Variants in NTN1 observed in about 807,000 individuals in gnomAD.
NTN1 encodes the protein netrin 1.
A neutral mutation model predicts 54.2 loss-of-function variants in NTN1; 11 were observed. The ratio of observed to expected loss-of-function variants is 0.20; its 90% CI spans 0.13 to 0.34. NTN1 has a LOEUF of 0.34. Among genes scored for constraint, NTN1 ranks in the 10% least tolerant of loss-of-function variants. The probability of loss-of-function intolerance (pLI) is 1.00; values close to 1 mark genes in which losing one functional copy is unlikely to be tolerated. For synonymous variants in NTN1, 371 were observed against 382.0 expected, an observed-to-expected ratio of 0.97 and a Z score of 0.33; for missense variants, 740 against 893.1, an observed-to-expected ratio of 0.83 and a Z score of 2.18.
At position 9,162,828 on chromosome 17, in the gene NTN1, T is replaced by G; in HGVS notation, c.1034T>G (p.Leu345Arg). 1 of 1,612,782 alleles carries G rather than the reference T, an allele frequency of 6.2e-7. No homozygotes were observed. Among genetic ancestry groups the G allele is most frequent in the South Asian group, 1.1e-5 (1 of 91,064 alleles). ...ANECVACNCNLHARRCRFNME... is the reference protein window; with the variant it reads ...ANECVACNCNRHARRCRFNME... ...CCCCCTGCAGCCTGTAACTGCAACC[T>G]GCATGCCCGGCGCTGCCGCTTCAAC... The change falls in exon 3 of 7, where the codon CTG (leucine) becomes CGG (arginine). Residue 345 changes from leucine to arginine, a missense_variant. By Grantham distance (102) the Leu-to-Arg change is moderately radical. Transcript: ENST00000173229.
chr17:9,128,660 AC>A (rs2092254653), intron 2 of NTN1, among the ~76,000 whole-genome samples: 1 of 151,868 alleles, frequency 6.6e-6, no homozygotes. Context: ...GAGGAAGACA[AC>A]TCCAGGATCC....
intron 5 of NTN1, among the ~76,000 whole-genome samples, chr17:9,186,788 G>C (rs2092434718): frequency 6.6e-6 from 1 of 152,222 alleles, no homozygotes; most frequent in Admixed American, 6.5e-5. Flanking sequence ...AAGGAAGTTG[G>C]GTTTATGTAG....
chr17:9,157,391 G>T (rs2092345974), intron 2 of NTN1, among the ~76,000 whole-genome samples: 1 of 152,248 alleles, frequency 6.6e-6, no homozygotes, highest in South Asian at 2.1e-4. Context: ...GTGGGAAGGG[G>T]TTGAGCAGTT....
At chr17:9,072,038 G>A (rs556196300) in intron 2 of NTN1, among the ~76,000 whole-genome samples, 4 of 152,344 alleles carry the variant, frequency 2.6e-5, no homozygotes, top group African/African-American at 9.6e-5. Context: ...GCAGCCCCGA[G>A]AGTCGGGAGG....
intron 2 of NTN1, among the ~76,000 whole-genome samples, chr17:9,041,745 A>G (rs1312270455): frequency 6.6e-6 from 1 of 152,270 alleles, no homozygotes; most frequent in East Asian, 1.9e-4. Context: ...GCGGTGGCTC[A>G]TGCCTGTAAT....
At chr17:9,008,255 C>T in the NTN1 span, among the ~76,000 whole-genome samples, 2,213 of 151,568 alleles carry the variant, frequency 0.015, 24 homozygotes, top group Non-Finnish European at 0.023. Context: ...TTGGTGATGG[C>T]AGTATCACTG....
upstream of NTN1, among the ~76,000 whole-genome samples, chr17:9,017,588 G>C (rs979341446): frequency 1.3e-5 from 2 of 152,114 alleles, no homozygotes; most frequent in African/African-American, 4.8e-5. Flanking sequence ...AGGGTGATCC[G>C]TCTGGCTTCA....
At chr17:9,122,488 G>A (rs1049499875) in intron 2 of NTN1, among the ~76,000 whole-genome samples, 2 of 152,144 alleles carry the variant, frequency 1.3e-5, no homozygotes, top group African/African-American at 4.8e-5. Context: ...CAGATTAAAG[G>A]GGTGCTGTGA....
rs549345875 is a variant in NTN1, at chr17:9,111,036, G to A, written c.1019-51777G>A. 5.9e-4 allele frequency among the ~76,000 whole-genome samples: 87 copies of A among 148,296 alleles called. No homozygotes were observed. In the South Asian group the frequency reaches 0.012, roughly 21 times the overall value. ...TGCAACCTCCAACTCCCTGGTTCAA[G>A]TGATTCTCCTGCTTCAGCCTCCCGA... On this transcript the variant is annotated intron_variant, in intron 2 of 6. Coordinates refer to ENST00000173229, the MANE Select transcript of NTN1 (RefSeq NM_004822.3).
intron 2 of NTN1, among the ~76,000 whole-genome samples, chr17:9,102,331 T>TG (rs57687753): frequency 0.28 from 29,562 of 106,862 alleles, 3,227 homozygotes; most frequent in Non-Finnish European, 0.32. Context: ...AGCAAACATG[T>TG]CCTTCACATG....
chr17:9,163,040 C>T lies in NTN1; in HGVS notation c.1207+39C>T, dbSNP rs115807192. 2,657 of 1,544,422 alleles carry T rather than the reference C, an allele frequency of 1.7e-3. 53 individuals are homozygous for T. The African/African-American group carries it at 0.033, about 19-fold the overall frequency. On this transcript the variant is annotated intron_variant, in intron 3 of 6. Coordinates refer to ENST00000173229, the MANE Select transcript of NTN1 (RefSeq NM_004822.3). ...GGCGGGGCGGGGGGCTGGGGAGACC[C>T]GGGGAACATCAGTCCTCCCGCTCCC...
rs528936608 is a variant in NTN1, at chr17:9,221,155, C to A, written c.1412-13C>A. On this transcript the variant is annotated splice_polypyrimidine_tract_variant and intron_variant, in intron 5 of 6. Transcript: ENST00000173229. This position sits in a 1 kb window ranked among gnomAD's most constrained non-coding sequence, Gnocchi z 4.5. ...TTAGTTTTTGTCTGTGCTCCCCCCC[C>A]ACCCCCCTGCAGACTGCGATTCCTA... is the stretch of plus-strand genomic sequence containing the variant. 3.7e-5 allele frequency: 57 copies of A among 1,551,366 alleles called. No homozygotes were observed. Among genetic ancestry groups the A allele is most frequent in the Admixed American group, 1.3e-4 (8 of 59,278 alleles).
At chr17:9,090,148 C>T (rs1360215590) in intron 2 of NTN1, among the ~76,000 whole-genome samples, 1 of 150,800 alleles carries the variant, frequency 6.6e-6, no homozygotes, top group Non-Finnish European at 1.5e-5. Flanking sequence ...TGGTAGGAGC[C>T]GGGCTACCAA....
chr17:9,057,588 C>G (rs2142204288), intron 2 of NTN1, among the ~76,000 whole-genome samples: 1 of 152,292 alleles, frequency 6.6e-6, no homozygotes, highest in Non-Finnish European at 1.5e-5. Flanking sequence ...TTCTGTAATA[C>G]TTTGGCTGCT....
intron 2 of NTN1, among the ~76,000 whole-genome samples, chr17:9,100,292 A>C (rs890077116): frequency 3.3e-5 from 5 of 151,694 alleles, no homozygotes; most frequent in Non-Finnish European, 7.4e-5. Flanking sequence ...TATGTCATGC[A>C]TATCTTTATT....
chr17:9,227,453 CAG>C (rs1465349367), intron 6 of NTN1, among the ~76,000 whole-genome samples: 4 of 148,148 alleles, frequency 2.7e-5, no homozygotes, highest in Admixed American at 6.7e-5. Context: ...ATCAGATACA[CAG>C]ACTGTCACAC....
At chr17:9,141,413 T>A (rs1184492739) in intron 2 of NTN1, among the ~76,000 whole-genome samples, 1 of 152,122 alleles carries the variant, frequency 6.6e-6, no homozygotes, top group Non-Finnish European at 1.5e-5. Context: ...GTGAACTCCG[T>A]CAAGCCTGCC....
intron 3 of NTN1, 122 bp downstream of exon 3, chr17:9,163,123 A>ATC (rs918724764): frequency 4.6e-6 from 4 of 866,086 alleles, no homozygotes; most frequent in Non-Finnish European, 5.2e-6. Flanking sequence ...GTCTGAGGTC[A>ATC]TCTCTCTCTC....
rs372198956 is a variant in NTN1, at chr17:9,236,457, G to A, written c.1487-3183G>A. On this transcript the variant is annotated intron_variant, in intron 6 of 6. Transcript: ENST00000173229. ...GCATTTTGAATATTTTCAGCTGTAT[G>A]TGCATGGCAGGGGCTTGGCCCATGC... Among the ~76,000 whole-genome samples the A allele has an allele frequency of 4.6e-5, 7 of 152,360 alleles. No homozygotes were observed. In the East Asian group the frequency reaches 1.2e-3, roughly 25 times the overall value.
Sources: gnomAD v4.1 joint callset for allele counts (sites outside exome capture counted in the v4.1 genomes callset) on GRCh38, gnomAD v4.1.1 for gene constraint, Gnocchi (gnomAD v3.1) non-coding constraint, MANE v1.5 for transcripts, NCBI Gene and HGNC (gene_info 2026-07-23, HGNC 2026-07-21) for gene names.